Variants in HSD17B4 observed in about 807,000 individuals in gnomAD.
The protein encoded by HSD17B4 is peroxisomal multifunctional enzyme type 2.
In HSD17B4, 70 loss-of-function variants were observed where a neutral mutation model predicts 101.0. That is an observed-to-expected ratio of 0.69 (90% CI 0.57 to 0.85). HSD17B4 has a LOEUF of 0.85. HSD17B4 is among the 40% of genes least tolerant of loss of function. The pLI is 0.00. For synonymous variants in HSD17B4, 347 were observed against 297.1 expected (o/e 1.17, Z -1.73); for missense variants, 984 against 892.4 (o/e 1.10, Z -1.31).
chr5:119,509,350 G>A, intron 16 of HSD17B4, 106 bp downstream of exon 16: 1 of 801,904 alleles, frequency 1.2e-6, no homozygotes, highest in South Asian at 1.3e-5. Flanking sequence ...CCACTTATAG[G>A]CAAATTTTCT....
intron 11 of HSD17B4, 105 bp downstream of exon 11, chr5:119,494,051 C>A: frequency 9.1e-7 from 1 of 1,095,708 alleles, no homozygotes; most frequent in Non-Finnish European, 1.4e-6. Context: ...TGTTAAGACA[C>A]TTGAATCGTC....
Position 119,452,828 on chromosome 5 carries a change from C to T in HSD17B4, c.58+195C>T, listed in dbSNP as rs574416522. ...CACCTGGTCTCTCAAGCAGGTACAG[C>T]CCGCTTCTCCCCAGCACCCCGGTGT... On this transcript the variant is annotated intron_variant, in intron 1 of 23. Transcript: ENST00000510025. 76 of 1,535,968 alleles carry T rather than the reference C, an allele frequency of 4.9e-5. No homozygotes were observed. Among genetic ancestry groups the T allele is most frequent in the Non-Finnish European group, 6.1e-5 (70 of 1,146,962 alleles).
intron 22 of HSD17B4, among the ~76,000 whole-genome samples, chr5:119,532,012 A>G (rs2126899132): frequency 6.6e-6 from 1 of 152,272 alleles, no homozygotes; most frequent in South Asian, 2.1e-4. Flanking sequence ...GTCCAAAGAG[A>G]CCCTGGTACC....
In HSD17B4 at chr5:119,475,126, A is replaced by G. The variant is rs1316031730; in HGVS notation, c.281-580A>G. Among the ~76,000 whole-genome samples, 6 of 152,258 alleles carry G rather than the reference A, an allele frequency of 3.9e-5. No individual in the cohort carries two copies. In the South Asian group the frequency reaches 6.2e-4, roughly 16 times the overall value. Reference sequence around the variant, plus strand: ...TTTCTAATTTTGTTTGATTGAACTCATAAGAACCATGTTCACATATCGTCT... The same window carrying G: ...TTTCTAATTTTGTTTGATTGAACTCGTAAGAACCATGTTCACATATCGTCT... On this transcript the variant is annotated intron_variant, in intron 4 of 23. Transcript: ENST00000510025.
At position 119,501,975 on chromosome 5, in the gene HSD17B4, G is replaced by C. The variant is rs1424230878; in HGVS notation, c.1210-66G>C. ...GGTAAAATGTCACTTGCGAGTAACA[G>C]TATCCATAGGCAGAACCTGTGGAGC... is the stretch of plus-strand genomic sequence containing the variant. On this transcript the variant is annotated intron_variant, in intron 13 of 23. Coordinates refer to ENST00000510025, the MANE Select transcript of HSD17B4 (RefSeq NM_000414.4). The C allele has an allele frequency of 4.4e-6, 4 of 919,078 alleles. No individual in the cohort carries two copies. The African/African-American group carries it at 4.9e-5, about 11-fold the overall frequency. 56.9% of individuals were successfully genotyped at this position (919,078 alleles called of 1,614,324 possible).
intron 23 of HSD17B4, among the ~76,000 whole-genome samples, chr5:119,540,533 G>T (rs528254947): frequency 2.0e-5 from 3 of 152,292 alleles, no homozygotes; most frequent in African/African-American, 7.2e-5. Context: ...GTACATAGCA[G>T]GCTGGCCTAA....
intron 22 of HSD17B4, among the ~76,000 whole-genome samples, chr5:119,532,006 A>G (rs1754157494): frequency 6.6e-6 from 1 of 152,212 alleles, no homozygotes; most frequent in South Asian, 2.1e-4. Flanking sequence ...GTGGAGGTCC[A>G]AAGAGACCCT....
At chr5:119,479,168 G>A in intron 8 of HSD17B4, 147 bp downstream of exon 8, 10 of 604,596 alleles carry the variant, frequency 1.7e-5, no homozygotes, top group South Asian at 5.0e-5. Context: ...TGTTCATTGT[G>A]GAAAATTTAG....
At chr5:119,471,090 C>T (rs535143208) in intron 2 of HSD17B4, among the ~76,000 whole-genome samples, 9 of 152,242 alleles carry the variant, frequency 5.9e-5, no homozygotes, top group Non-Finnish European at 8.8e-5. Context: ...TTAAGTATCA[C>T]GTTTTCTAAT....
chr5:119,536,733 C>T (rs1044549431), intron 23 of HSD17B4, among the ~76,000 whole-genome samples, 183 bp downstream of exon 23: 1 of 151,992 alleles, frequency 6.6e-6, no homozygotes, highest in Non-Finnish European at 1.5e-5. Context: ...TGGAGTTTCA[C>T]CTGACACTTT....
chr5:119,482,468 G>A (rs2126716666), intron 8 of HSD17B4, among the ~76,000 whole-genome samples: 1 of 152,160 alleles, frequency 6.6e-6, no homozygotes, highest in Non-Finnish European at 1.5e-5. Context: ...TCTAATGTTT[G>A]TCTCTTTAGC....
intron 17 of HSD17B4, among the ~76,000 whole-genome samples, chr5:119,518,397 T>A (rs9327103): frequency 1.3e-5 from 2 of 151,908 alleles, no homozygotes; most frequent in South Asian, 4.1e-4. Flanking sequence ...TAACACTCAC[T>A]GTGAGGGTCC....
In HSD17B4 at chr5:119,515,056, TA is replaced by T. The variant is rs1221203066; in HGVS notation, c.1503+11del. On this transcript the variant is annotated intron_variant, in intron 17 of 23. Coordinates refer to ENST00000510025, the MANE Select transcript of HSD17B4 (RefSeq NM_000414.4). ...CACCTCTCTTAATCAGGTAAGATTG[TA>T]TTTTTGAAAAATGATAAATCCACCT... is the stretch of plus-strand genomic sequence containing the variant. 3 of 1,520,902 alleles carry T rather than the reference TA, an allele frequency of 2.0e-6. No individual in the cohort carries two copies. The highest frequency in any genetic ancestry group is 2.7e-6 in the Non-Finnish European group (3 of 1,095,438). The allele number at this position is 1,520,902 out of a possible 1,614,324, so 94.2% of individuals were successfully genotyped here.
intron 9 of HSD17B4, among the ~76,000 whole-genome samples, chr5:119,490,814 C>T (rs1246870414): frequency 2.6e-5 from 4 of 152,118 alleles, no homozygotes; most frequent in Non-Finnish European, 5.9e-5. Context: ...ATAATCTGCC[C>T]GCCTTGGCCT....
chr5:119,504,741 G>A (rs1751493955), intron 14 of HSD17B4, among the ~76,000 whole-genome samples: 1 of 151,816 alleles, frequency 6.6e-6, no homozygotes, highest in South Asian at 2.1e-4. Flanking sequence ...TGTTTACTCT[G>A]TTCATAGTTT....
intron 13 of HSD17B4, among the ~76,000 whole-genome samples, chr5:119,500,958 T>C (rs531241830): frequency 2.3e-4 from 35 of 152,194 alleles, no homozygotes; most frequent in African/African-American, 7.9e-4. Flanking sequence ...CTTTGACTGA[T>C]TGGAGAACTT....
At chr5:119,464,368 G>C (rs994618338) in intron 2 of HSD17B4, among the ~76,000 whole-genome samples, 16 of 152,114 alleles carry the variant, frequency 1.1e-4, no homozygotes, top group African/African-American at 3.1e-4. Context: ...TTTTGTATAT[G>C]ATGAGAGGTA....
At position 119,503,722 on chromosome 5, in the gene HSD17B4, G is replaced by C. The variant is rs143451509; in HGVS notation, c.1261+1630G>C. 2.8e-3 allele frequency among the ~76,000 whole-genome samples: 416 copies of C among 150,878 alleles called. 1 individual carries two copies. Among genetic ancestry groups the C allele is most frequent in the Non-Finnish European group, 4.2e-3 (287 of 67,782 alleles). On this transcript the variant is annotated intron_variant, in intron 14 of 23. Coordinates refer to ENST00000510025, the MANE Select transcript of HSD17B4 (RefSeq NM_000414.4). Reference sequence around the variant, plus strand: ...CCACTAGAAGGAGTGAAGGAACGCAGCAGTACTTTCTTTTCTGTCTGTTTT... The same window carrying C: ...CCACTAGAAGGAGTGAAGGAACGCACCAGTACTTTCTTTTCTGTCTGTTTT...
intron 16 of HSD17B4, 74 bp downstream of exon 16, chr5:119,509,318 C>A: frequency 1.0e-6 from 1 of 968,214 alleles, no homozygotes; most frequent in Non-Finnish European, 1.7e-6. Flanking sequence ...ACTTGAACAG[C>A]ATGAGTTTGA....
Sources: gnomAD v4.1 joint callset for allele counts (sites outside exome capture counted in the v4.1 genomes callset) on GRCh38, gnomAD v4.1.1 for gene constraint, MANE v1.5 for transcripts, NCBI Gene and HGNC (gene_info 2026-07-23, HGNC 2026-07-21) for gene names.